The following MAST1 variants were observed in gnomAD, a reference collection of about 807,000 sequenced individuals.
MAST1 encodes microtubule associated serine/threonine kinase 1, also known as microtubule-associated serine/threonine-protein kinase 1.
In MAST1, 40 loss-of-function variants were observed where a neutral mutation model predicts 124.6. The observed-to-expected ratio is 0.32, with a 90% confidence interval of 0.25 to 0.42. The LOEUF is 0.42. Ranked by LOEUF, MAST1 falls within the 10% of genes least tolerant of loss-of-function variation. The pLI, the probability that MAST1 is intolerant of heterozygous loss-of-function variation, is 1.00. For missense variants in MAST1, 1,558 were observed against 2,181.9 expected (o/e 0.71, Z 5.70); for synonymous variants, 938 against 939.4 (o/e 1.00, Z 0.03).
At position 12,841,256 on chromosome 19, in the gene MAST1, C is replaced by G. The variant is rs1051247040; in HGVS notation, c.248+190C>G. 1.3e-5 allele frequency among the ~76,000 whole-genome samples: 2 copies of G among 152,276 alleles called. No individual in the cohort carries two copies. The highest frequency in any genetic ancestry group is 1.3e-4 in the Admixed American group (2 of 15,292). ...GGCCTATAAGAAGGCGGGGTCCAAT[C>G]GCCGATCTGGAACGGGGAAGGCGGT... On this transcript the variant is annotated intron_variant, in intron 3 of 25. Transcript: ENST00000251472. This position sits in a 1 kb window ranked among gnomAD's most constrained non-coding sequence, Gnocchi z 4.3.
chr19:12,869,058 G>T lies in MAST1; in HGVS notation c.2774-8G>T. ...TTCTGATTTCTGACCATGGTTGTGT[G>T]TCTGTAGTGGACCCACATGGAAGTT... On this transcript the variant is annotated splice_polypyrimidine_tract_variant and splice_region_variant and intron_variant, in intron 21 of 25. Transcript: ENST00000251472. 6.2e-7 allele frequency: 1 copy of T among 1,613,252 alleles called. No individual in the cohort carries two copies. Among genetic ancestry groups the T allele is most frequent in the Non-Finnish European group, 8.5e-7 (1 of 1,179,182 alleles).
intron 24 of MAST1, among the ~76,000 whole-genome samples, chr19:12,872,024 A>C (rs1182057184): frequency 6.6e-6 from 1 of 151,962 alleles, no homozygotes; most frequent in Non-Finnish European, 1.5e-5. Flanking sequence ...AGGGTCTTGC[A>C]CATATAGGCA....
rs1568413388 is a variant in MAST1, at chr19:12,865,622, G to A, written c.1805-95G>A. 2 of 1,435,918 alleles carry A rather than the reference G, an allele frequency of 1.4e-6. No homozygotes were observed. Among genetic ancestry groups the A allele is most frequent in the African/African-American group, 1.4e-5 (1 of 70,836 alleles). The allele number at this position is 1,435,918 out of a possible 1,614,324, so 88.9% of individuals were successfully genotyped here. A position where few individuals can be genotyped will look rare whatever the true frequency, so the allele number is the denominator to read the frequency against. ...GTCAAGGCTGCAGTGAGCCATGATC[G>A]TGCCACTGCACTCCAGCTGGGTGAC... On this transcript the variant is annotated intron_variant, in intron 15 of 25. Transcript: ENST00000251472. The surrounding 1 kb of genome is among the most constrained non-coding windows in gnomAD (Gnocchi z 7.1).
chr19:12,858,464 G>A (rs756780459), intron 11 of MAST1, 23 bp downstream of exon 11: 4 of 1,612,194 alleles, frequency 2.5e-6, no homozygotes, highest in African/African-American at 1.3e-5. Flanking sequence ...GGGCTCTGGC[G>A]GGGGGAGGGT....
chr19:12,852,847 C>A (rs199547582), intron 10 of MAST1, among the ~76,000 whole-genome samples: 1 of 150,276 alleles, frequency 6.7e-6, no homozygotes, highest in Non-Finnish European at 1.5e-5. Context: ...GAAACTGTCT[C>A]AAAAAATAAA....
chr19:12,859,875 T>G (rs1401284589), intron 12 of MAST1, among the ~76,000 whole-genome samples: 3 of 151,504 alleles, frequency 2.0e-5, no homozygotes, highest in Non-Finnish European at 4.4e-5. Context: ...TTTTGTTCGT[T>G]TGTTTTGTTT....
chr19:12,850,719 ATTTTCT>A (rs918712850), intron 7 of MAST1, among the ~76,000 whole-genome samples: 3 of 151,756 alleles, frequency 2.0e-5, no homozygotes, highest in Non-Finnish European at 4.4e-5. Context: ...TCTTTATTTA[ATTTTCT>A]TTTTCTTTTT....
chr19:12,846,237 G>C (rs1304500537), intron 4 of MAST1, among the ~76,000 whole-genome samples: 2 of 151,884 alleles, frequency 1.3e-5, no homozygotes, highest in East Asian at 1.9e-4. Context: ...TTAATAAATA[G>C]AGACACAGTT....
At chr19:12,871,274 C>CG in intron 24 of MAST1, 102 bp downstream of exon 24, 1 of 1,515,646 alleles carries the variant, frequency 6.6e-7, no homozygotes, top group South Asian at 1.2e-5. Flanking sequence ...GGAAAGGTGG[C>CG]GGGAACAAAT....
At position 12,871,177 on chromosome 19, in the gene MAST1, G is replaced by A. The variant is rs1305717721; in HGVS notation, c.3263+5G>A. On this transcript the variant is annotated splice_donor_5th_base_variant and intron_variant, in intron 24 of 25. Transcript: ENST00000251472. ...CGCCAAGGAGGGCCAGGAGAGGTGG[G>A]CACAGCCGTAAACAGCCTGGTCTTT... 2 of 1,614,012 alleles carry A rather than the reference G, an allele frequency of 1.2e-6. No homozygotes were observed. Among genetic ancestry groups the A allele is most frequent in the Admixed American group, 3.3e-5 (2 of 60,018 alleles).
intron 12 of MAST1, among the ~76,000 whole-genome samples, chr19:12,859,656 A>G (rs567507946): frequency 1.8e-4 from 27 of 152,040 alleles, no homozygotes; most frequent in Admixed American, 1.5e-3. Context: ...AAAATTAGCC[A>G]GATGGCACAC....
In MAST1 at chr19:12,871,107, C is replaced by T. The variant is rs1970228348; in HGVS notation, c.3198C>T (p.Arg1066=). Residue 1066 remains arginine, a synonymous_variant, in exon 24 of 26, where the codon CGC becomes CGT. Coordinates refer to ENST00000251472, the MANE Select transcript of MAST1 (RefSeq NM_014975.3). Reference sequence around the variant, plus strand: ...CTATCCGCATTGGTCCCGCAAGGCGCAGCAGCTACAAGGCTAAAATGGCTC... The same window carrying T: ...CTATCCGCATTGGTCCCGCAAGGCGTAGCAGCTACAAGGCTAAAATGGCTC... ...NTSIRIGPAR[R]SSYKAKMARR... 1 of 1,614,126 alleles carries T rather than the reference C, an allele frequency of 6.2e-7. No individual in the cohort carries two copies. The highest frequency in any genetic ancestry group is 1.7e-5 in the Admixed American group (1 of 60,000).
At chr19:12,871,851 G>A (rs1193331244) in intron 24 of MAST1, among the ~76,000 whole-genome samples, 1 of 148,842 alleles carries the variant, frequency 6.7e-6, no homozygotes, top group Non-Finnish European at 1.5e-5. Context: ...GGGAGGTCGA[G>A]GCTGCAGTGA....
chr19:12,852,908 T>TA (rs1428631157), intron 10 of MAST1, among the ~76,000 whole-genome samples: 3 of 152,096 alleles, frequency 2.0e-5, no homozygotes, highest in Admixed American at 6.6e-5. Flanking sequence ...TTTGTCATGT[T>TA]AAAATCCATG....
At chr19:12,849,481 G>T (rs904216727) in intron 7 of MAST1, among the ~76,000 whole-genome samples, 1 of 151,978 alleles carries the variant, frequency 6.6e-6, no homozygotes, top group African/African-American at 2.4e-5. Context: ...GGCCAATAAG[G>T]TGAAACTCTG....
chr19:12,848,042 G>A lies in MAST1; in HGVS notation c.759G>A (p.Glu253=). 6.2e-7 allele frequency: 1 copy of A among 1,613,942 alleles called. No individual in the cohort carries two copies. Among genetic ancestry groups the A allele is most frequent in the Non-Finnish European group, 8.5e-7 (1 of 1,179,942 alleles). ...VYFYELQENL[E]KLLQDAYERS... ...TCTATGAATTGCAGGAGAACCTGGA[G>A]AAGCTCCTTCAAGACGTGAGTGCAC... The change falls in exon 7 of 26, where the codon GAG becomes GAA. Residue 253 remains glutamate (E), a synonymous_variant. Coordinates refer to ENST00000251472, the MANE Select transcript of MAST1 (RefSeq NM_014975.3).
At chr19:12,839,725 A>G (rs1222355025) in intron 1 of MAST1, among the ~76,000 whole-genome samples, 2 of 152,120 alleles carry the variant, frequency 1.3e-5, no homozygotes, top group Non-Finnish European at 1.5e-5. Context: ...ATGCCACACA[A>G]AGACATAGAT....
Position 12,847,804 on chromosome 19 carries a change from G to A in MAST1, c.565-44G>A, listed in dbSNP as rs773720042. The A allele has an allele frequency of 1.3e-6, 2 of 1,584,748 alleles. No homozygotes were observed. The highest frequency in any genetic ancestry group is 2.2e-5 in the South Asian group (2 of 89,252). ...GCAGCGCAGGCTCCTGGCGGCCGCA[G>A]CCTTCGGGCACAGCCCCGCGCCCCT... On this transcript the variant is annotated intron_variant, in intron 6 of 25. Coordinates refer to ENST00000251472, the MANE Select transcript of MAST1 (RefSeq NM_014975.3). This position sits in a 1 kb window ranked among gnomAD's most constrained non-coding sequence, Gnocchi z 5.5.
intron 4 of MAST1, among the ~76,000 whole-genome samples, chr19:12,845,333 G>A (rs1969878773): frequency 1.3e-5 from 2 of 148,364 alleles, no homozygotes; most frequent in African/African-American, 2.5e-5. Context: ...CCAACACTAC[G>A]GGAGGTTGAG....
Sources: allele counts gnomAD v4.1 joint callset (sites outside exome capture counted in the v4.1 genomes callset), GRCh38; gene constraint gnomAD v4.1.1; non-coding constraint Gnocchi (gnomAD v3.1); transcripts MANE v1.5; gene names NCBI Gene and HGNC (gene_info 2026-07-23, HGNC 2026-07-21).